The following ROBO1 variants were observed in gnomAD, a reference collection of about 807,000 sequenced individuals.
ROBO1 encodes roundabout homolog 1.
A neutral mutation model predicts 195.9 loss-of-function variants in ROBO1; 149 were observed. That is an observed-to-expected ratio of 0.76 (90% CI 0.67 to 0.87). The LOEUF (loss-of-function observed/expected upper bound fraction) is 0.87. ROBO1 is among the 40% of genes least tolerant of loss of function. ROBO1 has a pLI of 0.00. For missense variants in ROBO1, 1,933 were observed against 2,068.3 expected (o/e 0.93, Z 1.27); for synonymous variants, 816 against 733.2 (o/e 1.11, Z -1.82).
intron 1 of ROBO1, among the ~76,000 whole-genome samples, chr3:79,714,688 T>C (rs1702409528): frequency 6.6e-6 from 1 of 152,006 alleles, no homozygotes; most frequent in South Asian, 2.1e-4. Flanking sequence ...GATGAGTTCA[T>C]GTCCTTTGTA....
At chr3:79,551,980 T>TAAAAAAAAAAAAAAAA (rs771824432) in intron 2 of ROBO1, among the ~76,000 whole-genome samples, 2 of 44,262 alleles carry the variant, frequency 4.5e-5, no homozygotes, top group African/African-American at 9.2e-5. Flanking sequence ...TCTACAGAGT[T>TAAAAAAAAAAAAAAAA]AAAAAAAAAA....
chr3:79,698,923 T>G (rs1947527621), intron 1 of ROBO1, among the ~76,000 whole-genome samples: 2 of 151,406 alleles, frequency 1.3e-5, no homozygotes, highest in Admixed American at 1.3e-4. Flanking sequence ...TTTTGACCTC[T>G]CTAAACACTT....
At position 79,073,653 on chromosome 3, in the gene ROBO1, C is replaced by T. The variant is rs904040042; in HGVS notation, c.172+51803G>A. ...ATATATATGATCTCAGTTCATGCTA[C>T]CACTTTGCAGAGAGCTCAATAAAAG... On this transcript the variant is annotated intron_variant, in intron 3 of 30. Transcript: ENST00000464233. 1.1e-4 allele frequency among the ~76,000 whole-genome samples: 16 copies of T among 151,770 alleles called. 1 individual carries two copies. In the East Asian group the frequency reaches 2.7e-3, roughly 26 times the overall value.
intron 2 of ROBO1, among the ~76,000 whole-genome samples, chr3:79,204,083 T>A (rs1347556850): frequency 6.6e-6 from 1 of 152,198 alleles, no homozygotes; most frequent in Non-Finnish European, 1.5e-5. Flanking sequence ...TTAGAACTCT[T>A]GTATTTATGT....
At chr3:78,679,051 A>G (rs1267721859) in intron 10 of ROBO1, among the ~76,000 whole-genome samples, 2 of 152,232 alleles carry the variant, frequency 1.3e-5, no homozygotes, top group African/African-American at 4.8e-5. Flanking sequence ...AATCCAGCAT[A>G]TAAACAGAAC....
chr3:79,513,664 A>T (rs1353594641), intron 2 of ROBO1, among the ~76,000 whole-genome samples: 3 of 151,422 alleles, frequency 2.0e-5, no homozygotes, highest in African/African-American at 7.3e-5. Context: ...AAGAGCCAGC[A>T]TTTACATTGA....
rs550982404 is a variant in ROBO1 at position 79,485,643 on chromosome 3, T to C, written c.88+104181A>G. 2.6e-5 allele frequency among the ~76,000 whole-genome samples: 4 copies of C among 152,222 alleles called. No homozygotes were observed. In the East Asian group the frequency reaches 7.7e-4, roughly 29 times the overall value. ...CAGCGCTTTAAAATTATTAACTCATTTAATCCTTACAACAACTCCATCCCC... is the reference window on the plus strand; with the variant it reads ...CAGCGCTTTAAAATTATTAACTCATCTAATCCTTACAACAACTCCATCCCC... On this transcript the variant is annotated intron_variant, in intron 2 of 30. Transcript: ENST00000464233.
At chr3:78,703,356 A>G (rs1015183972) in intron 8 of ROBO1, among the ~76,000 whole-genome samples, 2 of 152,144 alleles carry the variant, frequency 1.3e-5, no homozygotes, top group African/African-American at 4.8e-5. Context: ...ATTCTCACAA[A>G]TCACTCTCTT....
At chr3:79,713,497 T>G (rs1040072659) in intron 1 of ROBO1, among the ~76,000 whole-genome samples, 2 of 152,118 alleles carry the variant, frequency 1.3e-5, no homozygotes, top group African/African-American at 4.8e-5. Context: ...TAGAAGAGTT[T>G]AAGCCTTCAT....
chr3:79,642,419 G>T (rs1223624124), intron 1 of ROBO1, among the ~76,000 whole-genome samples: 1 of 152,030 alleles, frequency 6.6e-6, no homozygotes, highest in Non-Finnish European at 1.5e-5. Context: ...TCCAGTTCCA[G>T]GAAGATCAAA....
At chr3:78,996,448 C>A (rs1352262015) in intron 3 of ROBO1, among the ~76,000 whole-genome samples, 1 of 152,060 alleles carries the variant, frequency 6.6e-6, no homozygotes, top group Non-Finnish European at 1.5e-5. Context: ...TTATTTTACC[C>A]ATGAATTTCT....
chr3:78,668,386 C>G (rs1707863027), intron 12 of ROBO1, 84 bp from the exon 13 acceptor site: 1 of 1,586,428 alleles, frequency 6.3e-7, no homozygotes, highest in African/African-American at 1.3e-5. Flanking sequence ...TATTCATACA[C>G]CTACTCAGGG....
intron 28 of ROBO1, among the ~76,000 whole-genome samples, chr3:78,608,268 A>G (rs1016200218): frequency 2.7e-4 from 41 of 151,598 alleles, no homozygotes; most frequent in Admixed American, 2.6e-3. Flanking sequence ...ACCACACCCG[A>G]TTAACTTTTG....
At chr3:79,382,540 T>G (rs1202605210) in intron 2 of ROBO1, among the ~76,000 whole-genome samples, 1 of 152,162 alleles carries the variant, frequency 6.6e-6, no homozygotes, top group Non-Finnish European at 1.5e-5. Flanking sequence ...GGTGATATAA[T>G]CTGATAATAT....
chr3:78,949,437 C>G (rs1259741890), intron 3 of ROBO1, among the ~76,000 whole-genome samples: 1 of 150,590 alleles, frequency 6.6e-6, no homozygotes, highest in African/African-American at 2.4e-5. Context: ...ATAAATGGTG[C>G]TGGGAAAACT....
At chr3:79,513,865 G>A (rs956255893) in intron 2 of ROBO1, among the ~76,000 whole-genome samples, 1 of 152,100 alleles carries the variant, frequency 6.6e-6, no homozygotes, top group African/African-American at 2.4e-5. Context: ...AAATTATATT[G>A]CTAAAATATC....
In ROBO1 at chr3:79,670,487, G is replaced by A. The variant is rs181996958; in HGVS notation, c.-50-80526C>T. 6.6e-5 allele frequency among the ~76,000 whole-genome samples: 10 copies of A among 151,884 alleles called. No individual in the cohort carries two copies. In the South Asian group the frequency reaches 8.3e-4, roughly 13 times the overall value. On this transcript the variant is annotated intron_variant, in intron 1 of 30. Transcript: ENST00000464233. ...GATTGATGGCAACGTTCAAAATGGC[G>A]TATCAACTCATACTCTAAACTTTAC...
chr3:78,627,628 G>A, intron 25 of ROBO1, 59 bp from the exon 26 acceptor site: 2 of 1,473,058 alleles, frequency 1.4e-6, no homozygotes, highest in African/African-American at 1.4e-5. Context: ...AAACTATTTG[G>A]ATAGTAATGA....
chr3:78,809,935 T>G (rs1468682456), intron 4 of ROBO1, among the ~76,000 whole-genome samples: 3 of 150,946 alleles, frequency 2.0e-5, no homozygotes, highest in African/African-American at 7.3e-5. Flanking sequence ...TGTGTATACC[T>G]ATGTAACAAA....
Sources: allele counts gnomAD v4.1 joint callset (sites outside exome capture counted in the v4.1 genomes callset), GRCh38; gene constraint gnomAD v4.1.1; transcripts MANE v1.5; gene names NCBI Gene and HGNC (gene_info 2026-07-23, HGNC 2026-07-21).